GPC5: variants seen among roughly 807,000 people sequenced by gnomAD.
GPC5 encodes glypican-5.
In GPC5, 47 loss-of-function variants were observed where a neutral mutation model predicts 53.9. The observed-to-expected ratio is 0.87, with a 90% CI of 0.69 to 1.11. The LOEUF (loss-of-function observed/expected upper bound fraction) is 1.11, where lower values mean the gene tolerates loss of function less well. Among genes scored for constraint, GPC5 ranks in the 50% most tolerant of loss-of-function variants. GPC5 has a pLI of 0.00. For missense variants in GPC5, 748 were observed against 713.1 expected, an observed-to-expected ratio of 1.05 and a Z score of -0.56; for synonymous variants, 286 against 263.3, an observed-to-expected ratio of 1.09 and a Z score of -0.84.
At chr13:91,459,353 A>G (rs1373694096) in intron 2 of GPC5, among the ~76,000 whole-genome samples, 1 of 152,104 alleles carries the variant, frequency 6.6e-6, no homozygotes, top group Non-Finnish European at 1.5e-5. Flanking sequence ...TGTCTAATCT[A>G]TCATAGCCTA....
At chr13:91,874,454 A>G (rs978004512) in intron 5 of GPC5, among the ~76,000 whole-genome samples, 6 of 152,194 alleles carry the variant, frequency 3.9e-5, no homozygotes, top group African/African-American at 1.4e-4. Flanking sequence ...TGAATATTCC[A>G]TAATTCATGT....
intron 7 of GPC5, among the ~76,000 whole-genome samples, chr13:92,558,451 C>G (rs1405532152): frequency 6.6e-6 from 1 of 151,912 alleles, no homozygotes; most frequent in Non-Finnish European, 1.5e-5. Flanking sequence ...CCAATGCCAT[C>G]CAAGTATTAT....
chr13:92,274,388 T>A (rs569591936), intron 7 of GPC5, among the ~76,000 whole-genome samples: 15 of 152,156 alleles, frequency 9.9e-5, no homozygotes, highest in Admixed American at 2.6e-4. Context: ...GTGTCCTTTT[T>A]CAGACCAGCA....
chr13:92,454,238 T>A (rs1878177745), intron 7 of GPC5, among the ~76,000 whole-genome samples: 1 of 152,226 alleles, frequency 6.6e-6, no homozygotes, highest in Non-Finnish European at 1.5e-5. Flanking sequence ...ATTTTTTTCC[T>A]TTTACAAAAT....
At chr13:91,484,959 T>G (rs1883507565) in intron 2 of GPC5, among the ~76,000 whole-genome samples, 1 of 152,236 alleles carries the variant, frequency 6.6e-6, no homozygotes, top group Non-Finnish European at 1.5e-5. Context: ...ATTCTATGAT[T>G]GCTACTCAGA....
chr13:91,646,388 A>G (rs1475434031), intron 2 of GPC5, among the ~76,000 whole-genome samples: 1 of 152,068 alleles, frequency 6.6e-6, no homozygotes, highest in Non-Finnish European at 1.5e-5. Flanking sequence ...ATTTACAATG[A>G]AATAAATTTT....
intron 2 of GPC5, among the ~76,000 whole-genome samples, chr13:91,614,670 A>G (rs919288748): frequency 2.6e-5 from 4 of 152,122 alleles, no homozygotes; most frequent in Non-Finnish European, 5.9e-5. Flanking sequence ...ATTAAGGGTA[A>G]TTGCTGAGAG....
intron 6 of GPC5, among the ~76,000 whole-genome samples, chr13:92,008,904 CTA>C (rs1410841881): frequency 6.6e-6 from 1 of 151,876 alleles, no homozygotes; most frequent in Non-Finnish European, 1.5e-5. Context: ...GTTTCTATTG[CTA>C]TGTCTTCAAA....
At chr13:92,131,835 A>C (rs2041746195) in intron 6 of GPC5, among the ~76,000 whole-genome samples, 1 of 152,092 alleles carries the variant, frequency 6.6e-6, no homozygotes, top group South Asian at 2.1e-4. Context: ...GTTACGTGTA[A>C]ATTATATATT....
intron 5 of GPC5, among the ~76,000 whole-genome samples, chr13:91,833,993 C>A (rs1052225851): frequency 6.6e-6 from 1 of 152,068 alleles, no homozygotes; most frequent in African/African-American, 2.4e-5. Context: ...ATTTAAAAAA[C>A]CCCATCATCT....
intron 5 of GPC5, among the ~76,000 whole-genome samples, chr13:91,813,499 C>G (rs2038347273): frequency 1.3e-5 from 2 of 152,330 alleles, no homozygotes; most frequent in South Asian, 4.1e-4. Context: ...ATTTGCAGAA[C>G]AGAACTGTAT....
intron 7 of GPC5, among the ~76,000 whole-genome samples, chr13:92,347,587 A>G (rs1279828831): frequency 6.6e-6 from 1 of 151,534 alleles, no homozygotes; most frequent in Admixed American, 6.6e-5. Context: ...AATGATACAT[A>G]TGAAACTACA....
chr13:92,356,601 G>A (rs2043524477), intron 7 of GPC5, among the ~76,000 whole-genome samples: 1 of 152,154 alleles, frequency 6.6e-6, no homozygotes, highest in South Asian at 2.1e-4. Context: ...ATAGGTGTGA[G>A]TGAAAGAGAA....
At chr13:92,647,004 C>T (rs1318417285) in intron 7 of GPC5, among the ~76,000 whole-genome samples, 2 of 148,240 alleles carry the variant, frequency 1.3e-5, no homozygotes, top group African/African-American at 2.5e-5. Flanking sequence ...GGAAATTTCA[C>T]GTTTAAATCA....
intron 7 of GPC5, among the ~76,000 whole-genome samples, chr13:92,536,679 T>C (rs1881734706): frequency 6.6e-6 from 1 of 152,140 alleles, no homozygotes; most frequent in Admixed American, 6.6e-5. Flanking sequence ...TGTTAAATTA[T>C]GGCATATCTA....
At chr13:91,837,499 G>A (rs1366958991) in intron 5 of GPC5, among the ~76,000 whole-genome samples, 1 of 151,992 alleles carries the variant, frequency 6.6e-6, no homozygotes, top group African/African-American at 2.4e-5. Context: ...TTAGGCCACA[G>A]GGGAAACATT....
chr13:92,753,917 T>C lies in GPC5; in HGVS notation c.1562-112365T>C, dbSNP rs189943529. On this transcript the variant is annotated intron_variant, in intron 7 of 7. Transcript: ENST00000377067. Reference sequence around the variant, plus strand: ...TTGGAAAACACTCTGCAGGATATTATCCAGGAGAACTTCCCCAATCTAGCA... The same window carrying C: ...TTGGAAAACACTCTGCAGGATATTACCCAGGAGAACTTCCCCAATCTAGCA... Among the ~76,000 whole-genome samples, 395 of 152,228 alleles carry C rather than the reference T, an allele frequency of 2.6e-3. 3 individuals are homozygous for C. Among genetic ancestry groups the C allele is most frequent in the African/African-American group, 9.0e-3 (373 of 41,522 alleles).
chr13:91,853,960 A>G (rs2038940581), intron 5 of GPC5, among the ~76,000 whole-genome samples: 1 of 151,880 alleles, frequency 6.6e-6, no homozygotes, highest in South Asian at 2.1e-4. Context: ...TCAGAGTAAC[A>G]TAATAGCTTT....
intron 1 of GPC5, among the ~76,000 whole-genome samples, chr13:91,446,515 G>A (rs1011729208): frequency 3.3e-5 from 5 of 152,082 alleles, no homozygotes; most frequent in African/African-American, 1.2e-4. Flanking sequence ...CATGTTCCTC[G>A]AAGCCAGGCA....
Sources: allele counts gnomAD v4.1 joint callset (sites outside exome capture counted in the v4.1 genomes callset), GRCh38; gene constraint gnomAD v4.1.1; transcripts MANE v1.5; gene names NCBI Gene and HGNC (gene_info 2026-07-23, HGNC 2026-07-21).